AGO3: variants seen among roughly 807,000 people sequenced by gnomAD.
AGO3 encodes protein argonaute-3.
A neutral mutation model predicts 105.5 loss-of-function variants in AGO3; 16 were observed. The ratio of observed to expected loss-of-function variants is 0.15; its 90% confidence interval spans 0.10 to 0.23. The LOEUF (loss-of-function observed/expected upper bound fraction) is 0.23. Ranked by LOEUF, AGO3 falls within the 10% of genes least tolerant of loss-of-function variation. The probability of loss-of-function intolerance (pLI) is 1.00; values close to 1 mark genes in which losing one functional copy is unlikely to be tolerated. For missense variants in AGO3, 534 were observed against 1,088.0 expected, an observed-to-expected ratio of 0.49 and a Z score of 7.16; for synonymous variants, 340 against 367.3, an observed-to-expected ratio of 0.93 and a Z score of 0.85.
At position 35,931,171 on chromosome 1, in the gene AGO3, A is replaced by C; in HGVS notation, c.-256A>C. On this transcript the variant is annotated 5_prime_UTR_variant, in exon 1 of 19. Transcript: ENST00000373191. Reference sequence around the variant, plus strand: ...AGCGTCGGCGGCCGCGGGCGATGCAACTTCCGGACGGGACTCCCCTCTGTC... The same window carrying C: ...AGCGTCGGCGGCCGCGGGCGATGCACCTTCCGGACGGGACTCCCCTCTGTC... The C allele has an allele frequency of 2.5e-6, 1 of 398,004 alleles. No homozygotes were observed. Among genetic ancestry groups the C allele is most frequent in the Non-Finnish European group, 4.4e-6 (1 of 225,670 alleles). The allele number at this position is 398,004 out of a possible 1,614,324, so 24.7% of individuals were successfully genotyped here. A position where few individuals can be genotyped will look rare whatever the true frequency, so the allele number is the denominator to read the frequency against.
chr1:35,961,047 C>T (rs1646666194), intron 2 of AGO3, among the ~76,000 whole-genome samples: 1 of 151,270 alleles, frequency 6.6e-6, no homozygotes, highest in Non-Finnish European at 1.5e-5. Flanking sequence ...GGGTTCACAC[C>T]ATTCTCCTGC....
rs1235994406 is a variant in AGO3, at chr1:36,003,709, AATAT to A, written c.659-605_659-602del. Among the ~76,000 whole-genome samples the A allele has an allele frequency of 2.8e-3, 277 of 99,370 alleles. 5 individuals are homozygous for A. Among genetic ancestry groups the A allele is most frequent in the African/African-American group, 6.3e-3 (155 of 24,712 alleles). 65.2% of individuals were successfully genotyped at this position (99,370 alleles called of 152,430 possible). ...AAGTCTGTCTCAAAAAAAAAAAAAA[AATAT>A]ATATATATATATATATATATATATA... On this transcript the variant is annotated intron_variant, in intron 5 of 18. Transcript: ENST00000373191.
chr1:36,054,616 C>T (rs1642853738), intron 17 of AGO3, among the ~76,000 whole-genome samples: 1 of 152,152 alleles, frequency 6.6e-6, no homozygotes, highest in African/African-American at 2.4e-5. Flanking sequence ...CACAGTAGCT[C>T]ACGCCTGTAA....
At chr1:35,972,570 A>G (rs1646887692) in intron 4 of AGO3, among the ~76,000 whole-genome samples, 1 of 152,198 alleles carries the variant, frequency 6.6e-6, no homozygotes, top group Non-Finnish European at 1.5e-5. Flanking sequence ...CTGTTTATAC[A>G]ACAATATCAA....
At chr1:36,031,929 ACAC>A (rs1247136246) in intron 12 of AGO3, among the ~76,000 whole-genome samples, 3 of 151,712 alleles carry the variant, frequency 2.0e-5, no homozygotes. Flanking sequence ...GTGTGTGTAT[ACAC>A]CACATCTTGT....
At chr1:36,050,781 G>A (rs1477790426) in intron 17 of AGO3, among the ~76,000 whole-genome samples, 2 of 142,550 alleles carry the variant, frequency 1.4e-5, no homozygotes, top group South Asian at 2.2e-4. Context: ...GACTGAGTGG[G>A]ACTCTATCTC....
intron 5 of AGO3, among the ~76,000 whole-genome samples, chr1:35,995,093 C>T (rs574038393): frequency 3.7e-4 from 56 of 151,166 alleles, no homozygotes; most frequent in Non-Finnish European, 6.8e-4. Flanking sequence ...CCCGGCTACT[C>T]GGGAGGCTGA....
chr1:36,020,510 G>A (rs1191219641), intron 11 of AGO3, among the ~76,000 whole-genome samples: 1 of 152,170 alleles, frequency 6.6e-6, no homozygotes, highest in African/African-American at 2.4e-5. Flanking sequence ...ATCTTCAGGA[G>A]TGCTTACCAA....
intron 6 of AGO3, among the ~76,000 whole-genome samples, chr1:36,006,571 C>T (rs1183812528): frequency 6.6e-6 from 1 of 151,994 alleles, no homozygotes; most frequent in Non-Finnish European, 1.5e-5. Context: ...CTATTGTGTT[C>T]TCCCCTGAAC....
chr1:36,000,471 G>A (rs916534250), intron 5 of AGO3, among the ~76,000 whole-genome samples: 7 of 152,112 alleles, frequency 4.6e-5, no homozygotes, highest in Non-Finnish European at 7.4e-5. Context: ...AATAACTCTA[G>A]CATGTTTGTT....
intron 11 of AGO3, among the ~76,000 whole-genome samples, chr1:36,014,821 A>T (rs1198495544): frequency 1.3e-5 from 2 of 151,356 alleles, no homozygotes; most frequent in African/African-American, 4.9e-5. Flanking sequence ...AAAATTTGTT[A>T]GTCATAGTAA....
chr1:36,003,353 TA>T (rs1305852107), intron 5 of AGO3, among the ~76,000 whole-genome samples: 3 of 152,030 alleles, frequency 2.0e-5, no homozygotes, highest in Non-Finnish European at 4.4e-5. Flanking sequence ...GGTTGACTGT[TA>T]AAAAACCACC....
chr1:35,962,920 G>A (rs1023199191), intron 2 of AGO3, among the ~76,000 whole-genome samples: 2 of 152,158 alleles, frequency 1.3e-5, no homozygotes, highest in African/African-American at 4.8e-5. Flanking sequence ...AAATTCATTA[G>A]TAATAAGAGA....
At chr1:35,943,592 C>A (rs1200556897) in intron 1 of AGO3, among the ~76,000 whole-genome samples, 5 of 144,990 alleles carry the variant, frequency 3.4e-5, no homozygotes, top group Non-Finnish European at 7.5e-5. Context: ...TGAGCCACCA[C>A]CCCCAGCCCT....
rs1263195026 is a variant in AGO3, at chr1:36,027,456, C to G, written c.1591+158C>G. ...CTTGAAGACAAATTAATATAGCAAA[C>G]TAAATAGTCCAAGATGAGACATTGT... On this transcript the variant is annotated intron_variant, in intron 12 of 18. Transcript: ENST00000373191. The surrounding 1 kb of genome is among the most constrained non-coding windows in gnomAD (Gnocchi z 4.0). Among the ~76,000 whole-genome samples the G allele has an allele frequency of 5.9e-5, 9 of 152,142 alleles. No homozygotes were observed.
At chr1:35,945,569 A>G in intron 1 of AGO3, 123 bp from the exon 2 acceptor site, 1 of 920,834 alleles carries the variant, frequency 1.1e-6, no homozygotes, top group Admixed American at 2.4e-5. Context: ...AAATGATGTC[A>G]TCTTGCAGAA....
chr1:36,001,322 AAC>A (rs374052685), intron 5 of AGO3, among the ~76,000 whole-genome samples: 200 of 152,300 alleles, frequency 1.3e-3, no homozygotes, highest in Middle Eastern at 0.01. Flanking sequence ...TACGTACACA[AAC>A]ACACACACGT....
intron 14 of AGO3, 52 bp from the exon 15 acceptor site, chr1:36,039,738 T>C: frequency 9.0e-7 from 1 of 1,114,594 alleles, no homozygotes; most frequent in South Asian, 3.3e-5. Context: ...GTAATTTTGA[T>C]TATCATTTAT....
chr1:35,931,135 GGA>G lies in AGO3; in HGVS notation c.-290_-289del, dbSNP rs909465360. ...GGCGGCGGCGGCCCGCAGTCGTGGAGGAGCGGTGGGAGCGTCGGCGGCCGCGG... is the reference window on the plus strand; with the variant it reads ...GGCGGCGGCGGCCCGCAGTCGTGGAGGCGGTGGGAGCGTCGGCGGCCGCGG... On this transcript the variant is annotated 5_prime_UTR_variant, in exon 1 of 19. Coordinates refer to ENST00000373191, the MANE Select transcript of AGO3 (RefSeq NM_024852.4). 16 of 397,192 alleles carry G rather than the reference GGA, an allele frequency of 4.0e-5. No homozygotes were observed. Among genetic ancestry groups the G allele is most frequent in the Non-Finnish European group, 7.1e-5 (16 of 225,080 alleles). 24.6% of individuals were successfully genotyped at this position (397,192 alleles called of 1,614,324 possible).
Sources: allele counts gnomAD v4.1 joint callset (sites outside exome capture counted in the v4.1 genomes callset), GRCh38; gene constraint gnomAD v4.1.1; non-coding constraint Gnocchi (gnomAD v3.1); transcripts MANE v1.5; gene names NCBI Gene and HGNC (gene_info 2026-07-23, HGNC 2026-07-21).